ITPRID1: variants seen among roughly 807,000 people sequenced by gnomAD.
The protein encoded by ITPRID1 is protein ITPRID1.
Under a neutral mutation model 95.4 loss-of-function variants are expected in ITPRID1, and 96 were observed. That is an observed-to-expected ratio of 1.01 (90% confidence interval 0.85 to 1.19). The LOEUF (loss-of-function observed/expected upper bound fraction) is 1.19, where lower values mean the gene tolerates loss of function less well. ITPRID1 is among the 50% of genes most tolerant of loss of function. The probability of loss-of-function intolerance (pLI) is 0.00; values close to 1 mark genes in which losing one functional copy is unlikely to be tolerated. For synonymous variants in ITPRID1, 510 were observed against 453.6 expected (o/e 1.12, Z -1.58); for missense variants, 1,339 against 1,252.9 (o/e 1.07, Z -1.04).
Position 31,643,137 on chromosome 7 carries a change from G to A in ITPRID1, c.1767G>A (p.Val589=). 2 of 1,613,942 alleles carry A rather than the reference G, an allele frequency of 1.2e-6. No individual in the cohort carries two copies. Among genetic ancestry groups the A allele is most frequent in the Non-Finnish European group, 1.7e-6 (2 of 1,179,874 alleles). ...TGAGGCCTGAGGGAGCTGGCAAAGT[G>A]CAAAGCCACCACAATGAGTCTCAAA... ...SFVRPEGAGK[V]QSHHNESQRS... is the part of the protein sequence containing the mutation. Residue 589 remains valine (V), a synonymous_variant, in exon 12 of 15, where the codon GTG becomes GTA. Transcript: ENST00000615280.
chr7:31,560,591 C>A (rs1784591809), intron 5 of ITPRID1, among the ~76,000 whole-genome samples: 1 of 152,016 alleles, frequency 6.6e-6, no homozygotes, highest in South Asian at 2.1e-4. Context: ...GTAGACAGGG[C>A]AGCATATGCT....
chr7:31,574,579 G>A lies in ITPRID1; in HGVS notation c.435G>A (p.Val145=). The A allele has an allele frequency of 6.2e-7, 1 of 1,613,880 alleles. No homozygotes were observed. Among genetic ancestry groups the A allele is most frequent in the Admixed American group, 1.7e-5 (1 of 60,010 alleles). ...EWLEFWEIDP[V]EILLDLGFGA... ...TGGAATTTTGGGAGATAGATCCAGT[G>A]GAGATTCTCTTGGATCTGGGGTTTG... Residue 145 remains valine (V), a synonymous_variant, in exon 8 of 15, where the codon GTG becomes GTA. Transcript: ENST00000615280.
At chr7:31,635,389 CTAAAACAAACACAAGATAAA>C (rs1343993038) in intron 10 of ITPRID1, among the ~76,000 whole-genome samples, 1 of 152,180 alleles carries the variant, frequency 6.6e-6, no homozygotes, top group Admixed American at 6.5e-5. Context: ...CATTTCACTT[CTAAAACAAACACAAGATAAA>C]TAAGCCTCTA....
At chr7:31,604,156 A>C (rs969697194) in intron 10 of ITPRID1, among the ~76,000 whole-genome samples, 6 of 152,194 alleles carry the variant, frequency 3.9e-5, no homozygotes, top group Non-Finnish European at 8.8e-5. Context: ...GTGGGGCTGT[A>C]AGGAATGGAA....
chr7:31,573,138 G>A (rs1052724990), intron 7 of ITPRID1, among the ~76,000 whole-genome samples: 3 of 152,074 alleles, frequency 2.0e-5, no homozygotes, highest in South Asian at 2.1e-4. Context: ...TCCAGTTCAC[G>A]TTATAAGTTT....
At chr7:31,630,137 G>C (rs181336576) in intron 10 of ITPRID1, among the ~76,000 whole-genome samples, 19 of 141,820 alleles carry the variant, frequency 1.3e-4, no homozygotes, top group African/African-American at 4.7e-4. Flanking sequence ...AAATATGTTT[G>C]AATTTTTGAT....
intron 10 of ITPRID1, among the ~76,000 whole-genome samples, chr7:31,598,562 C>T (rs1786201000): frequency 6.6e-6 from 1 of 151,764 alleles, no homozygotes; most frequent in African/African-American, 2.4e-5. Flanking sequence ...CGCTACCACG[C>T]CCGGCTACTT....
At chr7:31,628,166 C>T (rs926713891) in intron 10 of ITPRID1, among the ~76,000 whole-genome samples, 1 of 152,186 alleles carries the variant, frequency 6.6e-6, no homozygotes, top group African/African-American at 2.4e-5. Context: ...AAAAAGTGCC[C>T]TGAAGGAGGG....
In ITPRID1 at chr7:31,643,171, G is replaced by A. The variant is rs910008052; in HGVS notation, c.1801G>A (p.Gly601Arg). 1.2e-6 allele frequency: 2 copies of A among 1,613,850 alleles called. No individual in the cohort carries two copies. The highest frequency in any genetic ancestry group is 2.2e-5 in the East Asian group (1 of 44,880). The change falls in exon 12 of 15, where the codon GGA (glycine) becomes AGA (arginine). Residue 601 changes from glycine (G) to arginine (R), a missense_variant. Coordinates refer to ENST00000615280, the MANE Select transcript of ITPRID1 (RefSeq NM_001257967.3). ...SHHNESQRSP[G>R]NDHTQDKFLH... is the part of the protein sequence containing the mutation. The stretch of plus-strand genomic sequence containing the variant: ...CCACAATGAGTCTCAAAGGTCACCT[G>A]GAAATGATCATACTCAAGACAAGTT...
rs772911804 is a variant in ITPRID1 at position 31,649,872 on chromosome 7, AACT to A, written c.2584-1266_2584-1264del. On this transcript the variant is annotated intron_variant, in intron 12 of 14. Coordinates refer to ENST00000615280, the MANE Select transcript of ITPRID1 (RefSeq NM_001257967.3). ...GCCATGAAAACAGATTGTGTTCAGC[AACT>A]ACTGACAGCAGGGGAAAGAGCTGAG... 4.6e-5 allele frequency among the ~76,000 whole-genome samples: 7 copies of A among 152,220 alleles called. 1 individual carries two copies. The highest frequency in any genetic ancestry group is 8.8e-5 in the Non-Finnish European group (6 of 68,034).
intron 10 of ITPRID1, among the ~76,000 whole-genome samples, chr7:31,631,665 C>T (rs539118770): frequency 5.9e-5 from 9 of 151,794 alleles, no homozygotes; most frequent in East Asian, 1.9e-4. Flanking sequence ...CCTGGAGCAA[C>T]GGAAGGAAGG....
rs965458729 is a variant in ITPRID1 at position 31,653,858 on chromosome 7, C to T, written c.*1029C>T. Among the ~76,000 whole-genome samples, 7 of 152,098 alleles carry T rather than the reference C, an allele frequency of 4.6e-5. No individual in the cohort carries two copies. Among genetic ancestry groups the T allele is most frequent in the African/African-American group, 1.7e-4 (7 of 41,404 alleles). On this transcript the variant is annotated 3_prime_UTR_variant, in exon 15 of 15. Transcript: ENST00000615280. ...CCGATTTAGATCAATGTTCAGACAG[C>T]CCTGGTTGAGGAAGTAACAACAGAA... is the stretch of plus-strand genomic sequence containing the variant.
rs376164854 is a variant in ITPRID1, at chr7:31,572,202, A to G, written c.395+14A>G. ...TGTACCACAAAGGTATGTAATTTCC[A>G]GGTGCTTTTCATCCTGAGAAATCAT... On this transcript the variant is annotated intron_variant, in intron 7 of 14. Coordinates refer to ENST00000615280, the MANE Select transcript of ITPRID1 (RefSeq NM_001257967.3). 2.0e-5 allele frequency: 31 copies of G among 1,549,404 alleles called. No individual in the cohort carries two copies. The highest frequency in any genetic ancestry group is 2.5e-5 in the Non-Finnish European group (28 of 1,125,462).
chr7:31,645,318 G>C (rs976415257), intron 12 of ITPRID1, among the ~76,000 whole-genome samples: 1 of 152,186 alleles, frequency 6.6e-6, no homozygotes, highest in Admixed American at 6.5e-5. Flanking sequence ...GTGATGTAAA[G>C]AGAGTGATTA....
intron 5 of ITPRID1, among the ~76,000 whole-genome samples, chr7:31,560,071 GC>G (rs1784575844): frequency 6.6e-6 from 1 of 152,164 alleles, no homozygotes; most frequent in Non-Finnish European, 1.5e-5. Flanking sequence ...ATCAGGAAAG[GC>G]ATCTCAAATA....
intron 9 of ITPRID1, among the ~76,000 whole-genome samples, chr7:31,582,539 T>C (rs1212007011): frequency 6.6e-6 from 1 of 152,160 alleles, no homozygotes; most frequent in African/African-American, 2.4e-5. Context: ...GCATGAGTTA[T>C]CAAGCCCAAC....
chr7:31,605,788 C>T (rs569938294), intron 10 of ITPRID1, among the ~76,000 whole-genome samples: 42 of 152,282 alleles, frequency 2.8e-4, no homozygotes, highest in African/African-American at 8.9e-4. Context: ...AGAGGTGAGG[C>T]TGATTCTTCT....
At chr7:31,638,270 A>G (rs533019502) in intron 10 of ITPRID1, among the ~76,000 whole-genome samples, 1 of 152,244 alleles carries the variant, frequency 6.6e-6, no homozygotes, top group South Asian at 2.1e-4. Context: ...AAGGCAGTGA[A>G]GTCTTAAATA....
chr7:31,589,058 A>G (rs1270087768), intron 10 of ITPRID1, among the ~76,000 whole-genome samples: 1 of 152,142 alleles, frequency 6.6e-6, no homozygotes, highest in Non-Finnish European at 1.5e-5. Context: ...TAGGGAGATT[A>G]TTATAATTAT....
Sources: allele counts gnomAD v4.1 joint callset (sites outside exome capture counted in the v4.1 genomes callset), GRCh38; gene constraint gnomAD v4.1.1; transcripts MANE v1.5; gene names NCBI Gene and HGNC (gene_info 2026-07-23, HGNC 2026-07-21).